DCHS2: variants seen among roughly 807,000 people sequenced by gnomAD.
DCHS2 encodes the protein dachsous cadherin-related 2.
In DCHS2, 142 loss-of-function variants were observed where a neutral mutation model predicts 182.4. The ratio of observed to expected loss-of-function variants is 0.78; its 90% CI spans 0.68 to 0.89. The LOEUF is 0.89. Among genes scored for constraint, DCHS2 ranks in the 40% least tolerant of loss-of-function variants. DCHS2 has a pLI of 0.00. For synonymous variants in DCHS2, 1,740 were observed against 1,663.3 expected (o/e 1.05, Z -1.12); for missense variants, 4,319 against 4,198.6 (o/e 1.03, Z -0.79).
At chr4:154,417,712 AG>A (rs955971253) in intron 1 of DCHS2, among the ~76,000 whole-genome samples, 8 of 152,222 alleles carry the variant, frequency 5.3e-5, no homozygotes, top group Admixed American at 2.0e-4. Context: ...GGGGGAAAAA[AG>A]TGTCCTGGTT....
At chr4:154,419,892 TA>T (rs1733031704) in intron 1 of DCHS2, among the ~76,000 whole-genome samples, 1 of 149,538 alleles carries the variant, frequency 6.7e-6, no homozygotes, top group African/African-American at 2.5e-5. Flanking sequence ...CTGTGGTGTG[TA>T]GGGGGAAGTG....
At chr4:154,403,223 G>A (rs746009818) in intron 1 of DCHS2, among the ~76,000 whole-genome samples, 1 of 152,064 alleles carries the variant, frequency 6.6e-6, no homozygotes, top group African/African-American at 2.4e-5. Flanking sequence ...GGTGAGAAAA[G>A]CACATTTTTC....
chr4:154,304,195 GA>G (rs1735337053), intron 12 of DCHS2, among the ~76,000 whole-genome samples: 1 of 151,190 alleles, frequency 6.6e-6, no homozygotes, highest in Non-Finnish European at 1.5e-5. Flanking sequence ...TATGAGACAA[GA>G]AAAATTAAAA....
At chr4:154,478,324 G>A (rs1393273594) in intron 1 of DCHS2, among the ~76,000 whole-genome samples, 3 of 152,128 alleles carry the variant, frequency 2.0e-5, no homozygotes, top group Non-Finnish European at 2.9e-5. Context: ...CTGAGTATAC[G>A]CCTACTGAAA....
intron 1 of DCHS2, among the ~76,000 whole-genome samples, chr4:154,383,008 A>G (rs1260751224): frequency 1.3e-5 from 2 of 152,206 alleles, no homozygotes; most frequent in Non-Finnish European, 2.9e-5. Flanking sequence ...AGGAAAATAA[A>G]TTATTCTACC....
At chr4:154,416,355 C>T (rs534667469) in intron 1 of DCHS2, among the ~76,000 whole-genome samples, 1 of 152,338 alleles carries the variant, frequency 6.6e-6, no homozygotes, top group East Asian at 1.9e-4. Context: ...CCCCACCTCG[C>T]ATCCCAGGAT....
chr4:154,332,638 G>C lies in DCHS2; in HGVS notation c.3570C>G (p.Thr1190=). ...TCAAAAACAACACATCATGCAAGAA[G>C]GTGGGGGAATTGTCATTCTCATCCC... The part of the protein sequence containing the change: ...RVWDENDNSP[T]FLHDVLFLKV... Residue 1190 remains threonine, a synonymous_variant, in exon 5 of 20, where the codon ACC becomes ACG. Transcript: ENST00000357232. 3 of 1,614,250 alleles carry C rather than the reference G, an allele frequency of 1.9e-6. No homozygotes were observed. Among genetic ancestry groups the C allele is most frequent in the Non-Finnish European group, 2.5e-6 (3 of 1,180,056 alleles).
chr4:154,319,118 A>T (rs1000593328), intron 9 of DCHS2, among the ~76,000 whole-genome samples: 1 of 152,152 alleles, frequency 6.6e-6, no homozygotes, highest in Non-Finnish European at 1.5e-5. Context: ...TCAACAAATG[A>T]TGTGGGGAAA....
chr4:154,320,315 G>A (rs1736006683), intron 9 of DCHS2, 64 bp downstream of exon 9: 1 of 1,540,196 alleles, frequency 6.5e-7, no homozygotes, highest in South Asian at 1.3e-5. Context: ...AGGAGGGTGG[G>A]TCTCATGTTT....
intron 1 of DCHS2, among the ~76,000 whole-genome samples, chr4:154,474,288 G>A (rs1476768858): frequency 6.6e-6 from 1 of 152,210 alleles, no homozygotes; most frequent in African/African-American, 2.4e-5. Flanking sequence ...TAAGGTCACA[G>A]TCACAGGTGG....
chr4:154,440,818 A>T (rs1196057626), intron 1 of DCHS2, among the ~76,000 whole-genome samples: 2 of 152,184 alleles, frequency 1.3e-5, no homozygotes, highest in African/African-American at 2.4e-5. Context: ...AGAGGCATTT[A>T]AAAAAATCAC....
At chr4:154,356,895 T>C (rs1021452716) in intron 3 of DCHS2, among the ~76,000 whole-genome samples, 1 of 152,098 alleles carries the variant, frequency 6.6e-6, no homozygotes, top group Admixed American at 6.6e-5. Context: ...TAATCCAAAT[T>C]CTAAACTTAC....
At chr4:154,427,701 C>G (rs991948490) in intron 1 of DCHS2, among the ~76,000 whole-genome samples, 1 of 152,294 alleles carries the variant, frequency 6.6e-6, no homozygotes, top group African/African-American at 2.4e-5. Context: ...AAAATGCCAA[C>G]AGACAGAGGT....
rs147251900 is a variant in DCHS2, at chr4:154,280,000, AAGAG to A, written c.6464-9991_6464-9988del. Among the ~76,000 whole-genome samples, 1,343 of 151,956 alleles carry A rather than the reference AAGAG, an allele frequency of 8.8e-3. 15 individuals are homozygous for A. The highest frequency in any genetic ancestry group is 0.03 in the African/African-American group (1,250 of 41,516). ...TAGACTAATGAGACAGAGACAGAGA[AAGAG>A]AGAGAGAGAAAAAAATGAATCCTTA... On this transcript the variant is annotated intron_variant, in intron 13 of 19. Transcript: ENST00000357232.
In DCHS2 at chr4:154,491,137, T is replaced by C; in HGVS notation, c.219A>G (p.Val73=). 3 of 1,551,382 alleles carry C rather than the reference T, an allele frequency of 1.9e-6. No individual in the cohort carries two copies. The highest frequency in any genetic ancestry group is 2.6e-6 in the Non-Finnish European group (3 of 1,146,856). The change falls in exon 1 of 20, where the codon GTA becomes GTG. Residue 73 remains valine (V), a synonymous_variant. Coordinates refer to ENST00000357232, the MANE Select transcript of DCHS2 (RefSeq NM_001358235.2). ...GCGTGTCCGGGGGAAGCCCCTCATCTACGGAAAGGGTGAGGTTGAACAACT... is the reference window on the plus strand; with the variant it reads ...GCGTGTCCGGGGGAAGCCCCTCATCCACGGAAAGGGTGAGGTTGAACAACT... The part of the protein sequence containing the change: ...SAQLFNLTLS[V]DEGLPPDTLV...
chr4:154,320,857 G>C lies in DCHS2; in HGVS notation c.4542C>G (p.Leu1514=). ...CATTCTCCTCTACACTGATCACAAT[G>C]AGCTCATCCTGGAAAGATGGGGAAT... The part of the protein sequence containing the change: ...NDHSPSFQDE[L]IVISVEENVP... The change falls in exon 9 of 20, where the codon CTC becomes CTG. Residue 1514 remains leucine, a synonymous_variant. Coordinates refer to ENST00000357232, the MANE Select transcript of DCHS2 (RefSeq NM_001358235.2). 1 of 1,614,048 alleles carries C rather than the reference G, an allele frequency of 6.2e-7. No individual in the cohort carries two copies. The highest frequency in any genetic ancestry group is 8.5e-7 in the Non-Finnish European group (1 of 1,179,980).
At chr4:154,304,904 G>C in intron 11 of DCHS2, 26 bp from the exon 12 acceptor site, 1 of 1,582,090 alleles carries the variant, frequency 6.3e-7, no homozygotes, top group East Asian at 2.3e-5. Flanking sequence ...AAGACGGTAT[G>C]AATTGTGGCC....
In DCHS2 at chr4:154,234,485, G is replaced by GTTCA; in HGVS notation, c.*47_*50dup. The stretch of plus-strand genomic sequence containing the variant: ...CGAGTTGCTGGCTTGAAAACATTTT[G>GTTCA]TTCATTCATTCATGACCAATGGTGA... On this transcript the variant is annotated 3_prime_UTR_variant, in exon 20 of 20. Transcript: ENST00000357232. The GTTCA allele has an allele frequency of 1.4e-6, 2 of 1,477,782 alleles. No individual in the cohort carries two copies. Among genetic ancestry groups the GTTCA allele is most frequent in the Non-Finnish European group, 1.8e-6 (2 of 1,112,850 alleles). 91.5% of individuals were successfully genotyped at this position (1,477,782 alleles called of 1,614,324 possible).
intron 1 of DCHS2, among the ~76,000 whole-genome samples, chr4:154,398,839 T>C (rs1303639159): frequency 6.6e-6 from 1 of 152,188 alleles, no homozygotes; most frequent in African/African-American, 2.4e-5. Flanking sequence ...AAAAACTCAC[T>C]AAGTTATTCT....
Sources: gnomAD v4.1 joint callset for allele counts (sites outside exome capture counted in the v4.1 genomes callset) on GRCh38, gnomAD v4.1.1 for gene constraint, MANE v1.5 for transcripts, NCBI Gene and HGNC (gene_info 2026-07-23, HGNC 2026-07-21) for gene names.